The following TRIP12 variants were observed in gnomAD, a reference collection of about 807,000 sequenced individuals.
The protein encoded by TRIP12 is E3 ubiquitin-protein ligase TRIP12.
In TRIP12, 25 loss-of-function variants were observed where a neutral mutation model predicts 244.2. The ratio of observed to expected loss-of-function variants is 0.10; its 90% CI spans 0.07 to 0.14. The LOEUF is 0.14. Among genes scored for constraint, TRIP12 ranks in the 10% least tolerant of loss-of-function variants. The probability of loss-of-function intolerance (pLI) is 1.00; values close to 1 mark genes in which losing one functional copy is unlikely to be tolerated. For missense variants in TRIP12, 1,677 were observed against 2,486.4 expected, an observed-to-expected ratio of 0.67 and a Z score of 6.92; for synonymous variants, 905 against 873.1, an observed-to-expected ratio of 1.04 and a Z score of -0.64.
At position 229,795,670 on chromosome 2, in the gene TRIP12, T is replaced by C. The variant is rs141027888; in HGVS notation, c.3817-340A>G. ...GAATATTCATGTTATGCTATAAAAA[T>C]ATTTAATGCATATAATATACAGTGC... is the stretch of plus-strand genomic sequence containing the variant. On this transcript the variant is annotated intron_variant, in intron 25 of 41. Coordinates refer to ENST00000675903, the MANE Select transcript of TRIP12 (RefSeq NM_001348323.3). Among the ~76,000 whole-genome samples the C allele has an allele frequency of 3.7e-3, 562 of 152,306 alleles. 5 individuals carry two copies. Among genetic ancestry groups the C allele is most frequent in the African/African-American group, 0.013 (526 of 41,570 alleles).
In TRIP12 at chr2:229,807,812, A is replaced by G. The variant is rs1419965046; in HGVS notation, c.2392T>C (p.Leu798=). 1.9e-6 allele frequency: 3 copies of G among 1,614,208 alleles called. No homozygotes were observed. Among genetic ancestry groups the G allele is most frequent in the Non-Finnish European group, 2.5e-6 (3 of 1,180,036 alleles). The change falls in exon 17 of 42, where the codon TTG becomes CTG. Residue 798 remains leucine, a synonymous_variant. Transcript: ENST00000675903. ...GTGTTCTGTGCATTTCCCTTCTTCA[A>G]CATGGTATCAACTGCAAAAATGCCT... The part of the protein sequence containing the change: ...KEGIFAVDTM[L]KKGNAQNTDG...
chr2:229,768,212 A>G (rs1181453569), intron 41 of TRIP12, among the ~76,000 whole-genome samples: 5 of 152,332 alleles, frequency 3.3e-5, no homozygotes, highest in Middle Eastern at 3.4e-3. Flanking sequence ...CAGTGAGCCA[A>G]GATCACGCCA....
At chr2:229,781,310 AG>A (rs777806909) in intron 34 of TRIP12, among the ~76,000 whole-genome samples, 8 of 152,258 alleles carry the variant, frequency 5.3e-5, no homozygotes, top group Admixed American at 2.0e-4. Context: ...GAAAAACAAA[AG>A]TTTGACAACT....
At chr2:229,768,491 G>A (rs2032785656) in intron 41 of TRIP12, 125 bp downstream of exon 41, 7 of 796,894 alleles carry the variant, frequency 8.8e-6, no homozygotes, top group East Asian at 2.6e-5. Flanking sequence ...GTACTATAAT[G>A]ATACTGGAAT....
chr2:229,918,335 G>A (rs1227999434), intron 1 of TRIP12, among the ~76,000 whole-genome samples: 2 of 152,264 alleles, frequency 1.3e-5, no homozygotes, highest in East Asian at 1.9e-4. Flanking sequence ...GTTTTGACTT[G>A]AGTCCATCAA....
At position 229,859,038 on chromosome 2, in the gene TRIP12, G is replaced by T; in HGVS notation, c.761C>A (p.Ala254Asp). The T allele has an allele frequency of 1.3e-5, 21 of 1,614,190 alleles. No homozygotes were observed. The highest frequency in any genetic ancestry group is 1.8e-5 in the Non-Finnish European group (21 of 1,180,028). The change falls in exon 4 of 42, where the codon GCC becomes GAC. Residue 254 changes from alanine to aspartate, a missense_variant. By Grantham distance (126) the Ala-to-Asp change is moderately radical (BLOSUM62 -2). Around this residue, in one of 11 missense-constraint regions of TRIP12, gnomAD observed 387 missense variants for 392.6 expected, o/e 0.99. Coordinates refer to ENST00000675903, the MANE Select transcript of TRIP12 (RefSeq NM_001348323.3). ...GGCACCTGGTGGTACAGTGGAGGAG[G>T]CCGAGGCTACAGCAGAAGACGAGGA... is the stretch of plus-strand genomic sequence containing the variant. ...TSSSSSAVAS[A>D]SSTVPPGARV...
At chr2:229,831,332 T>G (rs1347293225) in intron 6 of TRIP12, among the ~76,000 whole-genome samples, 1 of 152,214 alleles carries the variant, frequency 6.6e-6, no homozygotes, top group East Asian at 1.9e-4. Context: ...CTGTTTTCAT[T>G]AACTTCAAGA....
chr2:229,823,084 A>C (rs1316962085), intron 8 of TRIP12, among the ~76,000 whole-genome samples: 3 of 152,210 alleles, frequency 2.0e-5, no homozygotes, highest in Non-Finnish European at 4.4e-5. Context: ...GATGCAGTGT[A>C]AAGTTTAAAT....
chr2:229,884,048 T>C (rs750129649), intron 1 of TRIP12, among the ~76,000 whole-genome samples: 29 of 151,382 alleles, frequency 1.9e-4, no homozygotes, highest in Non-Finnish European at 3.7e-4. Flanking sequence ...GGGGCAGAGG[T>C]TGCAGTGAGC....
At chr2:229,840,209 C>G (rs1052127049) in intron 5 of TRIP12, among the ~76,000 whole-genome samples, 6 of 152,066 alleles carry the variant, frequency 3.9e-5, no homozygotes, top group Admixed American at 3.9e-4. Flanking sequence ...TGTAAACAGT[C>G]AAAGGTCCTG....
chr2:229,890,796 CCCA>C (rs1193167662), intron 1 of TRIP12, among the ~76,000 whole-genome samples: 1 of 151,964 alleles, frequency 6.6e-6, no homozygotes, highest in Admixed American at 6.6e-5. Context: ...AGACTAATGC[CCCA>C]CATTTCTACA....
At chr2:229,773,564 T>G (rs896632420) in intron 38 of TRIP12, 2 of 152,498 alleles carry the variant, frequency 1.3e-5, no homozygotes, top group African/African-American at 4.8e-5. Flanking sequence ...TGCATTTTTT[T>G]GTAGAGACAA....
chr2:229,810,799 T>C (rs1234653973), intron 15 of TRIP12, 81 bp downstream of exon 15: 2 of 1,394,596 alleles, frequency 1.4e-6, no homozygotes, highest in South Asian at 1.4e-5. Context: ...TCTCTTCCAT[T>C]TGCTCGGCTT....
chr2:229,786,990 C>T (rs1331726161), intron 33 of TRIP12, among the ~76,000 whole-genome samples: 1 of 152,094 alleles, frequency 6.6e-6, no homozygotes, highest in Non-Finnish European at 1.5e-5. Flanking sequence ...GGTTCAGAGC[C>T]ACAAATGTGG....
intron 2 of TRIP12, among the ~76,000 whole-genome samples, chr2:229,863,081 G>A (rs1453616055): frequency 2.0e-5 from 3 of 151,722 alleles, no homozygotes; most frequent in Admixed American, 1.3e-4. Context: ...CTACAAAAAT[G>A]AGCCGGGCAT....
At chr2:229,787,408 CCA>C in intron 33 of TRIP12, 95 bp downstream of exon 33, 1 of 1,341,854 alleles carries the variant, frequency 7.5e-7, no homozygotes, top group Non-Finnish European at 1.0e-6. Context: ...ACCAAGGCCT[CCA>C]AGACCAACAT....
chr2:229,819,046 A>ACACACACACACACACACACACAAAAC (rs1369680898), intron 8 of TRIP12, among the ~76,000 whole-genome samples: 1 of 114,980 alleles, frequency 8.7e-6, no homozygotes, highest in Admixed American at 8.7e-5. Flanking sequence ...AAAACCACAC[A>ACACACACACACACACACACACAAAAC]CACACACACA....
chr2:229,884,413 T>G (rs1166467212), intron 1 of TRIP12, among the ~76,000 whole-genome samples: 1 of 151,688 alleles, frequency 6.6e-6, no homozygotes, highest in African/African-American at 2.4e-5. Flanking sequence ...ATTTTTGTAT[T>G]TTTAGTAGAG....
intron 38 of TRIP12, among the ~76,000 whole-genome samples, chr2:229,771,839 G>A (rs1186232879): frequency 8.6e-5 from 13 of 151,380 alleles, no homozygotes; most frequent in Non-Finnish European, 1.9e-4. Flanking sequence ...ATAACAAAAT[G>A]TAAAAAAAAA....
Sources: allele counts gnomAD v4.1 joint callset (sites outside exome capture counted in the v4.1 genomes callset), GRCh38; gene constraint gnomAD v4.1.1; regional missense constraint gnomAD v4.1.1; transcripts MANE v1.5; gene names NCBI Gene and HGNC (gene_info 2026-07-23, HGNC 2026-07-21).